Variants in BTNL8 observed in about 807,000 individuals in gnomAD.
The protein encoded by BTNL8 is butyrophilin like 8.
BTNL8 carries 22 observed loss-of-function variants against 36.1 expected under a neutral mutation model. The ratio of observed to expected loss-of-function variants is 0.61; its 90% CI spans 0.44 to 0.87. The LOEUF (loss-of-function observed/expected upper bound fraction) is 0.87. BTNL8 is among the 40% of genes least tolerant of loss of function. The pLI is 0.00. For missense variants in BTNL8, 526 were observed against 616.9 expected (o/e 0.85, Z 1.56); for synonymous variants, 203 against 235.6 (o/e 0.86, Z 1.27).
At chr5:180,926,553 A>G (rs1758111714) in intron 3 of BTNL8, among the ~76,000 whole-genome samples, 1 of 152,340 alleles carries the variant, frequency 6.6e-6, no homozygotes, top group South Asian at 2.1e-4. Flanking sequence ...CATGGAGCCC[A>G]GCAAGCTATG....
chr5:180,911,706 T>C, intron 3 of BTNL8, 92 bp downstream of exon 3: 1 of 1,245,990 alleles, frequency 8.0e-7, no homozygotes, highest in Non-Finnish European at 1.1e-6. Flanking sequence ...ATTGCTGTTT[T>C]ATCTTTCTCA....
chr5:180,938,596 G>A (rs1758775734), intron 3 of BTNL8, among the ~76,000 whole-genome samples: 1 of 149,868 alleles, frequency 6.7e-6, no homozygotes, highest in Non-Finnish European at 1.5e-5. Context: ...GGAATCCACT[G>A]GCACGATTTC....
At chr5:180,922,397 T>C (rs1295941488) in intron 3 of BTNL8, among the ~76,000 whole-genome samples, 7 of 151,864 alleles carry the variant, frequency 4.6e-5, no homozygotes, top group Non-Finnish European at 1.0e-4. Context: ...TTGTGTCTTT[T>C]TTCTCATTAG....
chr5:180,901,002 G>A (rs547148685), intron 1 of BTNL8, among the ~76,000 whole-genome samples: 1 of 152,186 alleles, frequency 6.6e-6, no homozygotes, highest in African/African-American at 2.4e-5. Context: ...AGGCTCCAGG[G>A]ACGGAGCTGT....
In BTNL8 at chr5:180,908,911, C is replaced by A. The variant is rs760651856; in HGVS notation, c.375C>A (p.Ala125=). Residue 125 remains alanine, a synonymous_variant, in exon 2 of 8, where the codon GCC becomes GCA. Coordinates refer to ENST00000340184, the MANE Select transcript of BTNL8 (RefSeq NM_001040462.3). ...RISSQSYYQK[A]IWELQVSALG... Reference sequence around the variant, plus strand: ...GTTCCCAGTCTTACTACCAGAAGGCCATCTGGGAGCTACAGGTGTCAGGTC... The same window carrying A: ...GTTCCCAGTCTTACTACCAGAAGGCAATCTGGGAGCTACAGGTGTCAGGTC... The A allele has an allele frequency of 1.2e-6, 2 of 1,613,258 alleles. No individual in the cohort carries two copies. The highest frequency in any genetic ancestry group is 1.7e-6 in the Non-Finnish European group (2 of 1,179,316).
In BTNL8 at chr5:180,935,463, C is replaced by T. The variant is rs1758604800; in HGVS notation, c.674-12049C>T. On this transcript the variant is annotated intron_variant, in intron 3 of 7. Transcript: ENST00000340184. The surrounding 1 kb of genome is among the most constrained non-coding windows in gnomAD (Gnocchi z 4.8). ...AGAAGCTGTCATGTCAGCACTGCCT[C>T]CAGCACATGCATACCTGGCTGGGCA... is the stretch of plus-strand genomic sequence containing the variant. Among the ~76,000 whole-genome samples, 1 of 152,212 alleles carries T rather than the reference C, an allele frequency of 6.6e-6. No homozygotes were observed. Among genetic ancestry groups the T allele is most frequent in the African/African-American group, 2.4e-5 (1 of 41,460 alleles).
intron 3 of BTNL8, among the ~76,000 whole-genome samples, chr5:180,943,335 A>G (rs1289380998): frequency 3.9e-5 from 6 of 151,984 alleles, no homozygotes; most frequent in Non-Finnish European, 8.8e-5. Context: ...GGGTTTCACC[A>G]GGTTGGCCAG....
chr5:180,925,699 T>A (rs1246602738), intron 3 of BTNL8, among the ~76,000 whole-genome samples: 1 of 152,102 alleles, frequency 6.6e-6, no homozygotes, highest in African/African-American at 2.4e-5. Context: ...CAAAAACATA[T>A]GGAAGTAAAA....
intron 3 of BTNL8, among the ~76,000 whole-genome samples, chr5:180,919,796 A>G (rs933381074): frequency 2.0e-5 from 3 of 152,214 alleles, no homozygotes; most frequent in African/African-American, 7.2e-5. Flanking sequence ...TTCATTTAAA[A>G]TAGCATCAAA....
chr5:180,939,315 A>G (rs1204318425), intron 3 of BTNL8, among the ~76,000 whole-genome samples: 1 of 152,122 alleles, frequency 6.6e-6, no homozygotes, highest in Non-Finnish European at 1.5e-5. Context: ...GAAGAAACTC[A>G]CTTCACTTGT....
At position 180,930,230 on chromosome 5, in the gene BTNL8, G is replaced by T. The variant is rs528619414; in HGVS notation, c.674-17282G>T. On this transcript the variant is annotated intron_variant, in intron 3 of 7. Transcript: ENST00000340184. The stretch of plus-strand genomic sequence containing the variant: ...TGACAAAAACATTATCTCAATAGAT[G>T]CAGAAAAGGCCTTCGATAAAATTAA... 3.9e-5 allele frequency among the ~76,000 whole-genome samples: 6 copies of T among 152,288 alleles called. No homozygotes were observed. In the East Asian group the frequency reaches 1.2e-3, roughly 29 times the overall value.
intron 2 of BTNL8, chr5:180,909,636 T>A (rs1179777438): frequency 1.0e-6 from 1 of 953,844 alleles, no homozygotes; most frequent in African/African-American, 1.8e-5. Flanking sequence ...TCCCAACACC[T>A]TGAGAGGCTG....
intron 3 of BTNL8, among the ~76,000 whole-genome samples, chr5:180,927,472 A>T (rs562237993): frequency 1.8e-3 from 273 of 152,314 alleles, no homozygotes; most frequent in African/African-American, 6.3e-3. Context: ...AACCGGATGG[A>T]GAATGAGTTT....
chr5:180,902,452 G>A lies in BTNL8; in HGVS notation c.49+3093G>A, dbSNP rs371973132. On this transcript the variant is annotated intron_variant, in intron 1 of 7. Coordinates refer to ENST00000340184, the MANE Select transcript of BTNL8 (RefSeq NM_001040462.3). ...CTTTAGAAATAGGATTGTGATGAAT[G>A]TTTCCCCCTGATGCACATCTCCAGC... 6.6e-5 allele frequency: 100 copies of A among 1,512,168 alleles called. 1 individual carries two copies. In the African/African-American group the frequency reaches 1.1e-3, roughly 17 times the overall value. 93.7% of individuals were successfully genotyped at this position (1,512,168 alleles called of 1,614,324 possible).
intron 1 of BTNL8, among the ~76,000 whole-genome samples, chr5:180,900,550 T>C (rs1206203442): frequency 2.6e-5 from 4 of 152,088 alleles, no homozygotes; most frequent in East Asian, 3.9e-4. Context: ...GCCGGAGAAA[T>C]GGAGGTACCC....
intron 3 of BTNL8, among the ~76,000 whole-genome samples, chr5:180,913,134 T>A: frequency 6.6e-6 from 1 of 152,092 alleles, no homozygotes; most frequent in Non-Finnish European, 1.5e-5. Flanking sequence ...AGAAATGAGA[T>A]TCAGAAAGTT....
chr5:180,930,734 C>T (rs1758334943), intron 3 of BTNL8, among the ~76,000 whole-genome samples: 1 of 152,070 alleles, frequency 6.6e-6, no homozygotes, highest in African/African-American at 2.4e-5. Context: ...AATAAAATAC[C>T]TAGGAATCTA....
At chr5:180,907,974 G>T (rs369220389) in intron 1 of BTNL8, among the ~76,000 whole-genome samples, 56 of 151,558 alleles carry the variant, frequency 3.7e-4, no homozygotes, top group East Asian at 7.8e-4. Context: ...GTCTTTTTGT[G>T]TGTCTGTGCC....
intron 3 of BTNL8, among the ~76,000 whole-genome samples, chr5:180,913,061 G>A (rs1029333937): frequency 1.1e-4 from 16 of 152,142 alleles, no homozygotes; most frequent in Non-Finnish European, 1.6e-4. Context: ...CTGGCTGAAC[G>A]ACAATGGAAA....
Sources: gnomAD v4.1 joint callset for allele counts (sites outside exome capture counted in the v4.1 genomes callset) on GRCh38, gnomAD v4.1.1 for gene constraint, Gnocchi (gnomAD v3.1) non-coding constraint, MANE v1.5 for transcripts, NCBI Gene and HGNC (gene_info 2026-07-23, HGNC 2026-07-21) for gene names.